Variants in CDH1 observed in about 807,000 individuals in gnomAD.
The protein encoded by CDH1 is cadherin-1.
CDH1 carries 35 observed loss-of-function variants against 84.5 expected under a neutral mutation model. That is an observed-to-expected ratio of 0.41 (90% CI 0.32 to 0.55). The LOEUF is 0.55. Among genes scored for constraint, CDH1 ranks in the 20% least tolerant of loss-of-function variants. The probability of loss-of-function intolerance (pLI) is 0.19; values close to 1 mark genes in which losing one functional copy is unlikely to be tolerated. For missense variants in CDH1, 994 were observed against 1,126.6 expected (o/e 0.88, Z 1.68); for synonymous variants, 417 against 439.0 (o/e 0.95, Z 0.63).
intron 2 of CDH1, among the ~76,000 whole-genome samples, chr16:68,756,121 A>G (rs1327302401): frequency 6.7e-6 from 1 of 149,708 alleles, no homozygotes; most frequent in Non-Finnish European, 1.5e-5. Context: ...AACAGGCATC[A>G]TTTAGGGCAT....
chr16:68,828,004 T>C (rs927464019), intron 13 of CDH1, among the ~76,000 whole-genome samples, 170 bp from the exon 14 acceptor site: 15 of 152,190 alleles, frequency 9.9e-5, no homozygotes, highest in African/African-American at 3.6e-4. Flanking sequence ...ACATACCGAC[T>C]TCAGGGATGT....
intron 2 of CDH1, among the ~76,000 whole-genome samples, chr16:68,786,216 G>A (rs1375449491): frequency 6.6e-6 from 1 of 151,972 alleles, no homozygotes; most frequent in Non-Finnish European, 1.5e-5. Context: ...CTGTCGCCCA[G>A]GCCGGAGTGC....
chr16:68,745,549 A>ATATATATATAAATATATGT (rs1285099283), intron 2 of CDH1, among the ~76,000 whole-genome samples: 1 of 75,182 alleles, frequency 1.3e-5, no homozygotes, highest in Non-Finnish European at 2.4e-5. Context: ...AAAAAAAAAA[A>ATATATATATAAATATATGT]ATATATATAT....
At chr16:68,760,440 T>A (rs1963138283) in intron 2 of CDH1, among the ~76,000 whole-genome samples, 1 of 151,950 alleles carries the variant, frequency 6.6e-6, no homozygotes, top group Non-Finnish European at 1.5e-5. Flanking sequence ...AATTCTAGTT[T>A]TCCAAAGATG....
At chr16:68,738,572 C>G (rs900088769) in intron 2 of CDH1, among the ~76,000 whole-genome samples, 161 bp downstream of exon 2, 1 of 152,184 alleles carries the variant, frequency 6.6e-6, no homozygotes, top group African/African-American at 2.4e-5. Flanking sequence ...CAAACGTTTA[C>G]GACTGAACAC....
At chr16:68,830,907 A>G (rs1474990769) in intron 15 of CDH1, among the ~76,000 whole-genome samples, 1 of 152,070 alleles carries the variant, frequency 6.6e-6, no homozygotes, top group Non-Finnish European at 1.5e-5. Context: ...TTAGGATAAG[A>G]TGAGAAAGAA....
intron 2 of CDH1, among the ~76,000 whole-genome samples, chr16:68,746,133 T>C: frequency 6.6e-6 from 1 of 152,208 alleles, no homozygotes; most frequent in East Asian, 1.9e-4. Context: ...TTGATGTTTT[T>C]AAAAGCTCCT....
At chr16:68,768,335 C>T (rs1959448886) in intron 2 of CDH1, among the ~76,000 whole-genome samples, 1 of 152,174 alleles carries the variant, frequency 6.6e-6, no homozygotes, top group Non-Finnish European at 1.5e-5. Flanking sequence ...TAAAAGCAGA[C>T]CACAGATTTG....
intron 2 of CDH1, among the ~76,000 whole-genome samples, chr16:68,767,816 C>T (rs1324826760): frequency 2.0e-5 from 3 of 152,008 alleles, no homozygotes; most frequent in Admixed American, 6.6e-5. Context: ...AGAGGAGAGC[C>T]GGGTGTGGTA....
At chr16:68,793,797 C>T (rs1960275987) in intron 2 of CDH1, among the ~76,000 whole-genome samples, 1 of 152,088 alleles carries the variant, frequency 6.6e-6, no homozygotes, top group South Asian at 2.1e-4. Context: ...GAGGCTGAGG[C>T]AGGAGAATCC....
intron 13 of CDH1, among the ~76,000 whole-genome samples, chr16:68,825,416 G>A (rs942605915): frequency 6.6e-6 from 1 of 152,218 alleles, no homozygotes; most frequent in African/African-American, 2.4e-5. Flanking sequence ...GGAGGGAGCA[G>A]TGGGACCAAA....
rs560808120 is a variant in CDH1 at position 68,817,456 on chromosome 16, T to G, written c.1565+1697T>G. Among the ~76,000 whole-genome samples, 3 of 152,332 alleles carry G rather than the reference T, an allele frequency of 2.0e-5. No individual in the cohort carries two copies. In the East Asian group the frequency reaches 5.8e-4, roughly 29 times the overall value. ...CCAAATCCATTGGGTGAAAATTAGT[T>G]GCTGAACAAGATATTCTCAAATTAT... On this transcript the variant is annotated intron_variant, in intron 10 of 15. Transcript: ENST00000261769.
chr16:68,742,035 A>G (rs1416602532), intron 2 of CDH1, among the ~76,000 whole-genome samples: 3 of 152,102 alleles, frequency 2.0e-5, no homozygotes, highest in African/African-American at 7.2e-5. Context: ...GGTCTGAGAA[A>G]CCCAGGCTAT....
intron 8 of CDH1, among the ~76,000 whole-genome samples, chr16:68,812,756 T>A (rs1310043803): frequency 6.6e-6 from 1 of 152,150 alleles, no homozygotes; most frequent in African/African-American, 2.4e-5. Context: ...TCATCCTGTA[T>A]AATGGCCAGG....
At chr16:68,794,173 C>T (rs907731200) in intron 2 of CDH1, among the ~76,000 whole-genome samples, 2 of 152,014 alleles carry the variant, frequency 1.3e-5, no homozygotes, top group African/African-American at 2.4e-5. Context: ...GCTGGGACTA[C>T]AGGCACACAC....
At chr16:68,767,636 T>TTTG (rs1959429071) in intron 2 of CDH1, among the ~76,000 whole-genome samples, 1 of 152,238 alleles carries the variant, frequency 6.6e-6, no homozygotes, top group Non-Finnish European at 1.5e-5. Context: ...ATCTTGGTCT[T>TTTG]TTGTTGTTAT....
intron 6 of CDH1, among the ~76,000 whole-genome samples, chr16:68,811,400 A>C (rs1452156841): frequency 6.7e-6 from 1 of 150,292 alleles, no homozygotes. Flanking sequence ...CCGTCTCAAA[A>C]AAAAAAAAAA....
At chr16:68,790,978 G>C (rs1960191207) in intron 2 of CDH1, among the ~76,000 whole-genome samples, 1 of 152,212 alleles carries the variant, frequency 6.6e-6, no homozygotes, top group African/African-American at 2.4e-5. Flanking sequence ...TTGTCAAGAA[G>C]GGTATGGGGT....
rs539668051 is a variant in CDH1, at chr16:68,755,708, C to T, written c.163+17297C>T. Among the ~76,000 whole-genome samples, 11 of 152,122 alleles carry T rather than the reference C, an allele frequency of 7.2e-5. No homozygotes were observed. The East Asian group carries it at 1.3e-3, about 19-fold the overall frequency. ...ATAATGCTCATTCCAAGCCACTCCCCACCCCTCAGCATGTTGCCCAAGAGG... is the reference window on the plus strand; with the variant it reads ...ATAATGCTCATTCCAAGCCACTCCCTACCCCTCAGCATGTTGCCCAAGAGG... On this transcript the variant is annotated intron_variant, in intron 2 of 15. Transcript: ENST00000261769.
Sources: allele counts gnomAD v4.1 joint callset (sites outside exome capture counted in the v4.1 genomes callset), GRCh38; gene constraint gnomAD v4.1.1; transcripts MANE v1.5; gene names NCBI Gene and HGNC (gene_info 2026-07-23, HGNC 2026-07-21).